The following NEGR1 variants were observed in gnomAD, a reference collection of about 807,000 sequenced individuals.
NEGR1 encodes the protein IgLON family member 4.
In NEGR1, 10 loss-of-function variants were observed where a neutral mutation model predicts 40.9. That is an observed-to-expected ratio of 0.24 (90% CI 0.15 to 0.42). The LOEUF (loss-of-function observed/expected upper bound fraction) is 0.42, where lower values mean the gene tolerates loss of function less well. Among genes scored for constraint, NEGR1 ranks in the 10% least tolerant of loss-of-function variants. The pLI, the probability that NEGR1 is intolerant of heterozygous loss-of-function variation, is 1.00. For missense variants in NEGR1, 352 were observed against 438.9 expected, an observed-to-expected ratio of 0.80 and a Z score of 1.77; for synonymous variants, 185 against 166.8, an observed-to-expected ratio of 1.11 and a Z score of -0.84.
chr1:72,233,413 A>G (rs1413651325), intron 1 of NEGR1, among the ~76,000 whole-genome samples: 2 of 152,138 alleles, frequency 1.3e-5, no homozygotes, highest in African/African-American at 4.8e-5. Context: ...TGAGCATAGT[A>G]CACAATAGGA....
chr1:71,943,286 T>C (rs2100254907), intron 1 of NEGR1, among the ~76,000 whole-genome samples: 1 of 150,564 alleles, frequency 6.6e-6, no homozygotes, highest in Non-Finnish European at 1.5e-5. Flanking sequence ...TATACACATG[T>C]ATCATACACA....
chr1:71,575,126 C>G (rs1648922422), intron 6 of NEGR1, among the ~76,000 whole-genome samples: 1 of 152,138 alleles, frequency 6.6e-6, no homozygotes, highest in Non-Finnish European at 1.5e-5. Context: ...AGCTGATCTA[C>G]AGAGAGAGGA....
chr1:71,460,832 C>T (rs1569900384), intron 6 of NEGR1, among the ~76,000 whole-genome samples: 1 of 152,214 alleles, frequency 6.6e-6, no homozygotes, highest in East Asian at 1.9e-4. Flanking sequence ...CAAATTAATG[C>T]TTTTGCCTAC....
At chr1:71,813,854 A>G (rs901326811) in intron 2 of NEGR1, among the ~76,000 whole-genome samples, 1 of 152,056 alleles carries the variant, frequency 6.6e-6, no homozygotes, top group African/African-American at 2.4e-5. Context: ...GGGTTTTTAG[A>G]TGTAGCATAA....
At chr1:72,059,483 C>T (rs1458808887) in intron 1 of NEGR1, among the ~76,000 whole-genome samples, 3 of 151,590 alleles carry the variant, frequency 2.0e-5, no homozygotes, top group Non-Finnish European at 4.4e-5. Flanking sequence ...ATCCTATTTA[C>T]TCATTCTGCC....
intron 6 of NEGR1, among the ~76,000 whole-genome samples, chr1:71,449,553 A>G (rs145672669): frequency 2.2e-4 from 34 of 152,366 alleles, no homozygotes; most frequent in African/African-American, 7.9e-4. Context: ...AAAGATAACT[A>G]TAATTTCGTT....
intron 1 of NEGR1, among the ~76,000 whole-genome samples, chr1:72,191,123 C>T (rs1012258989): frequency 2.0e-5 from 3 of 151,520 alleles, no homozygotes; most frequent in African/African-American, 7.3e-5. Flanking sequence ...TTGATGTGAT[C>T]CCTAAAACTC....
At chr1:71,495,474 C>G (rs1646956521) in intron 6 of NEGR1, among the ~76,000 whole-genome samples, 1 of 103,404 alleles carries the variant, frequency 9.7e-6, no homozygotes, top group Non-Finnish European at 2.2e-5. Context: ...GAGACTCCAT[C>G]TCGGAAAAAA....
chr1:72,214,537 T>C (rs1653725766), intron 1 of NEGR1, among the ~76,000 whole-genome samples: 1 of 152,130 alleles, frequency 6.6e-6, no homozygotes, highest in Non-Finnish European at 1.5e-5. Flanking sequence ...ACAAAATTGA[T>C]GTGCAAAAAT....
intron 2 of NEGR1, among the ~76,000 whole-genome samples, chr1:71,803,207 G>T (rs1177134150): frequency 6.6e-6 from 1 of 152,074 alleles, no homozygotes; most frequent in Non-Finnish European, 1.5e-5. Flanking sequence ...AAGAGGCAGA[G>T]ACATCAGAGC....
intron 1 of NEGR1, among the ~76,000 whole-genome samples, chr1:72,127,816 A>G (rs1650088823): frequency 6.6e-6 from 1 of 152,190 alleles, no homozygotes; most frequent in South Asian, 2.1e-4. Flanking sequence ...ATCTTCATAT[A>G]CAACTATTTG....
At chr1:71,846,205 T>TC (rs1021210136) in intron 2 of NEGR1, among the ~76,000 whole-genome samples, 4 of 151,874 alleles carry the variant, frequency 2.6e-5, no homozygotes, top group Admixed American at 6.6e-5. Context: ...AAAGCAAGTT[T>TC]CCCCCCCAAC....
intron 4 of NEGR1, among the ~76,000 whole-genome samples, chr1:71,619,709 T>C (rs1650552659): frequency 6.6e-6 from 1 of 152,092 alleles, no homozygotes; most frequent in African/African-American, 2.4e-5. Flanking sequence ...CCTGTGTGAT[T>C]AGAGGCTCAC....
intron 6 of NEGR1, among the ~76,000 whole-genome samples, chr1:71,579,115 C>G (rs1649049150): frequency 6.6e-6 from 1 of 152,082 alleles, no homozygotes. Context: ...GTTTTTGGCT[C>G]ATATCATTTC....
chr1:71,613,447 G>C (rs1314093895), intron 4 of NEGR1, among the ~76,000 whole-genome samples: 1 of 152,076 alleles, frequency 6.6e-6, no homozygotes, highest in Non-Finnish European at 1.5e-5. Context: ...AGGAGTTCGA[G>C]ACCAGCCTGG....
intron 1 of NEGR1, among the ~76,000 whole-genome samples, chr1:72,205,080 T>C (rs928410508): frequency 3.3e-5 from 5 of 152,114 alleles, no homozygotes; most frequent in Non-Finnish European, 5.9e-5. Flanking sequence ...ATGTAGGATC[T>C]CCTGTCACAG....
chr1:71,931,812 G>A (rs182128630), intron 2 of NEGR1, among the ~76,000 whole-genome samples: 16 of 152,184 alleles, frequency 1.1e-4, no homozygotes, highest in South Asian at 4.1e-4. Flanking sequence ...TATATTTCAT[G>A]TTTCTCAACA....
At chr1:71,613,097 G>C (rs1650318338) in intron 4 of NEGR1, among the ~76,000 whole-genome samples, 1 of 152,142 alleles carries the variant, frequency 6.6e-6, no homozygotes, top group Non-Finnish European at 1.5e-5. Context: ...CCATAGTGAG[G>C]CTAGGATAAA....
At chr1:71,664,429 C>T (rs954484785) in intron 4 of NEGR1, among the ~76,000 whole-genome samples, 2 of 152,072 alleles carry the variant, frequency 1.3e-5, no homozygotes, top group Non-Finnish European at 2.9e-5. Context: ...TTTTCTAATA[C>T]TTTTTCTTGT....
Sources: allele counts gnomAD v4.1 joint callset (sites outside exome capture counted in the v4.1 genomes callset), GRCh38; gene constraint gnomAD v4.1.1; transcripts MANE v1.5; gene names NCBI Gene and HGNC (gene_info 2026-07-23, HGNC 2026-07-21).